NUP58: variants seen among roughly 807,000 people sequenced by gnomAD.
NUP58 encodes the protein nucleoporin p58/p45.
A neutral mutation model predicts 70.1 loss-of-function variants in NUP58; 17 were observed. The observed-to-expected ratio is 0.24, with a 90% CI of 0.17 to 0.36. The LOEUF (loss-of-function observed/expected upper bound fraction) is 0.36. NUP58 is among the 10% of genes least tolerant of loss of function. NUP58 has a pLI of 1.00. For missense variants in NUP58, 644 were observed against 701.5 expected (o/e 0.92, Z 0.93); for synonymous variants, 275 against 257.6 (o/e 1.07, Z -0.65).
At chr13:25,333,554 TA>T (rs1214163240) in intron 13 of NUP58, 2 of 985,234 alleles carry the variant, frequency 2.0e-6, no homozygotes, top group African/African-American at 3.5e-5. Flanking sequence ...ACTGAGAAGC[TA>T]AACAACAGTG....
At chr13:25,336,344 A>C (rs1391236292) in intron 13 of NUP58, 1 of 1,039,252 alleles carries the variant, frequency 9.6e-7, no homozygotes, top group Non-Finnish European at 1.4e-6. Context: ...ATAAAATAAA[A>C]CATTGTCTTG....
intron 13 of NUP58, chr13:25,333,963 G>C: frequency 1.0e-6 from 1 of 985,348 alleles, no homozygotes; most frequent in Non-Finnish European, 1.2e-6. Context: ...TTCTTAGACT[G>C]CTGCCTTCTG....
intron 9 of NUP58, 107 bp downstream of exon 9, chr13:25,321,200 C>A (rs1054140218): frequency 2.2e-6 from 2 of 911,618 alleles, no homozygotes; most frequent in Non-Finnish European, 3.3e-6. Flanking sequence ...AAATTTGATA[C>A]ATGCATACCG....
chr13:25,315,293 T>A (rs1394109332), intron 5 of NUP58, 64 bp from the exon 6 acceptor site: 1 of 1,168,036 alleles, frequency 8.6e-7, no homozygotes, highest in African/African-American at 1.5e-5. Context: ...TAGAGTCCTT[T>A]GATCAGTAAG....
At chr13:25,346,243 T>C (rs1372046357), downstream of NUP58, among the ~76,000 whole-genome samples, 1 of 152,188 alleles carries the variant, frequency 6.6e-6, no homozygotes, top group East Asian at 1.9e-4. Flanking sequence ...CTCAATCCCG[T>C]GAGCTGGGTA....
intron 9 of NUP58, among the ~76,000 whole-genome samples, chr13:25,324,352 G>A (rs1277950798): frequency 6.6e-6 from 1 of 152,148 alleles, no homozygotes; most frequent in Non-Finnish European, 1.5e-5. Flanking sequence ...ATGTAAGGGG[G>A]TAAACAATAC....
At chr13:25,315,320 C>G in intron 5 of NUP58, 37 bp from the exon 6 acceptor site, 1 of 1,452,840 alleles carries the variant, frequency 6.9e-7, no homozygotes, top group Non-Finnish European at 9.6e-7. Flanking sequence ...TTGTTGTAGT[C>G]TTTTGATGGA....
At chr13:25,312,493 G>T (rs887444628) in intron 3 of NUP58, among the ~76,000 whole-genome samples, 1 of 152,082 alleles carries the variant, frequency 6.6e-6, no homozygotes, top group African/African-American at 2.4e-5. Context: ...TCAGCCTCCC[G>T]AGTAGCTGGG....
chr13:25,346,760 TGAG>T (rs1477309510), downstream of NUP58, among the ~76,000 whole-genome samples: 2 of 150,496 alleles, frequency 1.3e-5, no homozygotes, highest in African/African-American at 4.9e-5. Flanking sequence ...CTCGAGTATA[TGAG>T]GAGATTAATT....
chr13:25,306,964 A>G (rs1001282033), intron 1 of NUP58, among the ~76,000 whole-genome samples: 2 of 152,062 alleles, frequency 1.3e-5, no homozygotes, highest in Admixed American at 6.6e-5. Flanking sequence ...TAGTTTTTCT[A>G]TGCTTTTTTT....
intron 13 of NUP58, chr13:25,332,370 C>T (rs1295378305): frequency 1.0e-6 from 1 of 985,168 alleles, no homozygotes; most frequent in Non-Finnish European, 1.2e-6. Flanking sequence ...TTATCTTAAT[C>T]CTGCCATCCC....
At chr13:25,318,071 T>C (rs2031017864) in intron 6 of NUP58, among the ~76,000 whole-genome samples, 1 of 152,036 alleles carries the variant, frequency 6.6e-6, no homozygotes, top group African/African-American at 2.4e-5. Context: ...GGCTCACGCC[T>C]GTAATCCCAG....
intron 11 of NUP58, 74 bp from the exon 12 acceptor site, chr13:25,327,356 T>C: frequency 1.0e-6 from 1 of 996,490 alleles, no homozygotes; most frequent in South Asian, 1.7e-5. Flanking sequence ...AAAATTGGAC[T>C]CAAATAGAAA....
At chr13:25,320,865 TG>T (rs1168493660) in intron 8 of NUP58, 53 bp from the exon 9 acceptor site, 1 of 1,159,832 alleles carries the variant, frequency 8.6e-7, no homozygotes, top group African/African-American at 1.6e-5. Context: ...ATATATTTTG[TG>T]TAGGAAACCA....
At chr13:25,306,183 ATCACGAGG>A (rs914415736) in intron 1 of NUP58, among the ~76,000 whole-genome samples, 8 of 152,072 alleles carry the variant, frequency 5.3e-5, no homozygotes, top group African/African-American at 1.9e-4. Flanking sequence ...AGGCAGGTGG[ATCACGAGG>A]TCAGGAGATT....
chr13:25,304,651 G>T (rs1454357971), intron 1 of NUP58, among the ~76,000 whole-genome samples: 1 of 150,654 alleles, frequency 6.6e-6, no homozygotes. Context: ...CAAATAGCTG[G>T]GATTACAGGC....
downstream of NUP58, among the ~76,000 whole-genome samples, chr13:25,344,413 A>C (rs957715293): frequency 2.0e-5 from 3 of 152,172 alleles, no homozygotes; most frequent in African/African-American, 7.2e-5. Flanking sequence ...GTAACCCCTG[A>C]CACCTGAGAA....
At chr13:25,318,625 A>G (rs1209309270) in intron 6 of NUP58, among the ~76,000 whole-genome samples, 1 of 152,206 alleles carries the variant, frequency 6.6e-6, no homozygotes, top group African/African-American at 2.4e-5. Flanking sequence ...TGAAAGAAGA[A>G]ATATACTTGT....
Position 25,332,259 on chromosome 13 carries a change from T to G in NUP58, c.1435+701T>G, listed in dbSNP as rs181354524. On this transcript the variant is annotated intron_variant, in intron 13 of 15. Coordinates refer to ENST00000381736, the MANE Select transcript of NUP58 (RefSeq NM_014089.4). The stretch of plus-strand genomic sequence containing the variant: ...ATAATTGGTGACATGGAAAGCAGAT[T>G]GTTTTATTTCTTGGTTTAGTTACAC... The G allele has an allele frequency of 9.1e-6, 9 of 985,532 alleles. No homozygotes were observed. In the East Asian group the frequency reaches 6.8e-4, roughly 75 times the overall value. 61.0% of individuals were successfully genotyped at this position (985,532 alleles called of 1,614,324 possible). A position where few individuals can be genotyped will look rare whatever the true frequency, so the allele number is the denominator to read the frequency against.
Sources: allele counts gnomAD v4.1 joint callset (sites outside exome capture counted in the v4.1 genomes callset), GRCh38; gene constraint gnomAD v4.1.1; transcripts MANE v1.5; gene names NCBI Gene and HGNC (gene_info 2026-07-23, HGNC 2026-07-21).